IQCJ: variants seen among roughly 807,000 people sequenced by gnomAD.
IQCJ encodes IQ domain-containing protein J.
A neutral mutation model predicts 11.0 loss-of-function variants in IQCJ; 9 were observed. The observed-to-expected ratio is 0.82, with a 90% confidence interval of 0.49 to 1.43. IQCJ has a LOEUF of 1.43. IQCJ is among the 40% of genes most tolerant of loss of function. IQCJ has a pLI of 0.00. For synonymous variants in IQCJ, 55 were observed against 51.3 expected, an observed-to-expected ratio of 1.07 and a Z score of -0.31; for missense variants, 146 against 133.2, an observed-to-expected ratio of 1.10 and a Z score of -0.47.
At chr3:159,225,526 A>C (rs760545388) in intron 1 of IQCJ, among the ~76,000 whole-genome samples, 1 of 152,300 alleles carries the variant, frequency 6.6e-6, no homozygotes, top group Non-Finnish European at 1.5e-5. Flanking sequence ...CACACAAATG[A>C]GTGAATATAT....
intron 2 of IQCJ, among the ~76,000 whole-genome samples, chr3:159,247,387 G>C (rs188050724): frequency 6.6e-6 from 1 of 152,142 alleles, no homozygotes; most frequent in East Asian, 1.9e-4. Context: ...GAGCCACCGC[G>C]CCGGTCTATT....
intron 1 of IQCJ, among the ~76,000 whole-genome samples, chr3:159,145,333 C>T (rs1218510534): frequency 1.3e-5 from 2 of 152,124 alleles, no homozygotes; most frequent in African/African-American, 4.8e-5. Context: ...ACCCATCTAC[C>T]CATGCATAGA....
chr3:159,155,070 T>C (rs1473087365), intron 1 of IQCJ, among the ~76,000 whole-genome samples: 2 of 152,188 alleles, frequency 1.3e-5, no homozygotes, highest in African/African-American at 4.8e-5. Context: ...AGAAATTGCC[T>C]ACACTGAACA....
At chr3:159,190,420 T>C (rs531316702) in intron 1 of IQCJ, among the ~76,000 whole-genome samples, 11 of 152,216 alleles carry the variant, frequency 7.2e-5, no homozygotes, top group Non-Finnish European at 1.6e-4. Context: ...ATTTACAGTC[T>C]CATTAGGGAA....
intron 1 of IQCJ, among the ~76,000 whole-genome samples, chr3:159,231,002 A>G (rs1485479502): frequency 1.3e-5 from 2 of 152,228 alleles, no homozygotes; most frequent in Non-Finnish European, 2.9e-5. Context: ...TTTGCTGTTC[A>G]TGAAGTAAAC....
intron 1 of IQCJ, among the ~76,000 whole-genome samples, chr3:159,245,083 G>A (rs1490806485): frequency 6.6e-6 from 1 of 152,228 alleles, no homozygotes; most frequent in Non-Finnish European, 1.5e-5. Flanking sequence ...AGATTACAGA[G>A]ACTACAAATG....
chr3:159,235,113 G>T (rs1192835191), intron 1 of IQCJ, among the ~76,000 whole-genome samples: 1 of 152,098 alleles, frequency 6.6e-6, no homozygotes, highest in Non-Finnish European at 1.5e-5. Flanking sequence ...GTGCTTATTT[G>T]TACTTGTGTT....
intron 1 of IQCJ, among the ~76,000 whole-genome samples, chr3:159,193,695 C>G (rs567620417): frequency 2.6e-5 from 4 of 152,130 alleles, no homozygotes; most frequent in Non-Finnish European, 5.9e-5. Context: ...ATTCACTACC[C>G]CTTTCTATTA....
chr3:159,190,797 G>A (rs1723640954), intron 1 of IQCJ, among the ~76,000 whole-genome samples: 3 of 152,158 alleles, frequency 2.0e-5, no homozygotes. Context: ...GATAATAATA[G>A]TAGCTACCCT....
At chr3:159,245,952 C>A in intron 2 of IQCJ, 45 bp downstream of exon 2, 1 of 1,407,000 alleles carries the variant, frequency 7.1e-7, no homozygotes, top group Non-Finnish European at 9.7e-7. Flanking sequence ...GGTTGGAAAG[C>A]TTGAGTAAAA....
At chr3:159,088,094 G>A (rs1239894702) in intron 1 of IQCJ, among the ~76,000 whole-genome samples, 1 of 152,054 alleles carries the variant, frequency 6.6e-6, no homozygotes. Flanking sequence ...CTTTGAATAT[G>A]TCCCAGAGAT....
intron 1 of IQCJ, among the ~76,000 whole-genome samples, chr3:159,166,097 A>G (rs1029928264): frequency 6.6e-6 from 1 of 152,004 alleles, no homozygotes; most frequent in African/African-American, 2.4e-5. Flanking sequence ...ATCCTAACAG[A>G]TTCATGCAAT....
intron 1 of IQCJ, among the ~76,000 whole-genome samples, chr3:159,244,401 G>A (rs1270307772): frequency 1.3e-5 from 2 of 152,174 alleles, no homozygotes; most frequent in Admixed American, 6.5e-5. Flanking sequence ...CATGTAGTAT[G>A]TAGCACGTGG....
chr3:159,142,449 C>T (rs541326038), intron 1 of IQCJ, among the ~76,000 whole-genome samples: 32 of 151,722 alleles, frequency 2.1e-4, no homozygotes, highest in South Asian at 2.1e-3. Context: ...TGGAGTCTCA[C>T]GCTGTCACCC....
chr3:159,084,423 A>G (rs1032835857), intron 1 of IQCJ, among the ~76,000 whole-genome samples: 1 of 152,128 alleles, frequency 6.6e-6, no homozygotes, highest in African/African-American at 2.4e-5. Flanking sequence ...TTGCATAAAA[A>G]TAGGGAAGTC....
intron 1 of IQCJ, among the ~76,000 whole-genome samples, chr3:159,108,006 CAAAAAAA>C (rs367862873): frequency 5.0e-5 from 5 of 100,920 alleles, no homozygotes; most frequent in East Asian, 2.8e-4. Flanking sequence ...TATGGTTTTC[CAAAAAAA>C]AAAAAAAAAA....
chr3:159,089,185 G>T (rs1717038995), intron 1 of IQCJ, among the ~76,000 whole-genome samples: 1 of 151,992 alleles, frequency 6.6e-6, no homozygotes, highest in African/African-American at 2.4e-5. Flanking sequence ...ATGAAGCTTA[G>T]TTTGGCTGGA....
chr3:159,170,477 T>A (rs1209002336), intron 1 of IQCJ, among the ~76,000 whole-genome samples: 1 of 152,228 alleles, frequency 6.6e-6, no homozygotes, highest in Non-Finnish European at 1.5e-5. Context: ...ACATTCAGTT[T>A]TGGCCGGTTT....
intron 1 of IQCJ, among the ~76,000 whole-genome samples, chr3:159,234,627 C>T (rs74914005): frequency 0.011 from 1,680 of 152,086 alleles, 26 homozygotes; most frequent in African/African-American, 0.039. Flanking sequence ...AACCCTGTCT[C>T]TACAATAATA....
Sources: gnomAD v4.1 joint callset for allele counts (sites outside exome capture counted in the v4.1 genomes callset) on GRCh38, gnomAD v4.1.1 for gene constraint, MANE v1.5 for transcripts, NCBI Gene and HGNC (gene_info 2026-07-23, HGNC 2026-07-21) for gene names.